The following ADAMTSL1 variants were observed in gnomAD, a reference collection of about 807,000 sequenced individuals.
ADAMTSL1 encodes the protein ADAMTS-like protein 1.
Under a neutral mutation model 201.8 loss-of-function variants are expected in ADAMTSL1, and 126 were observed. The ratio of observed to expected loss-of-function variants is 0.62; its 90% CI spans 0.54 to 0.72. The LOEUF is 0.72. Ranked by LOEUF, ADAMTSL1 falls within the 30% of genes least tolerant of loss-of-function variation. The pLI is 0.00. For synonymous variants in ADAMTSL1, 1,121 were observed against 903.4 expected, an observed-to-expected ratio of 1.24 and a Z score of -4.32; for missense variants, 2,679 against 2,277.8, an observed-to-expected ratio of 1.18 and a Z score of -3.59.
At chr9:18,860,716 T>TTAC (rs763122116) in intron 23 of ADAMTSL1, among the ~76,000 whole-genome samples, 8 of 151,796 alleles carry the variant, frequency 5.3e-5, no homozygotes, top group Non-Finnish European at 1.0e-4. Flanking sequence ...AAAAATCTCA[T>TTAC]TACTGTAGGA....
chr9:18,074,018 G>T (rs1014254252), intron 1 of ADAMTSL1, among the ~76,000 whole-genome samples: 9 of 152,086 alleles, frequency 5.9e-5, no homozygotes, highest in African/African-American at 2.2e-4. Context: ...AGTGCAGGAG[G>T]AAGTAGGCTT....
At chr9:17,972,080 A>G (rs2383058) in intron 1 of ADAMTSL1, among the ~76,000 whole-genome samples, 1 of 151,956 alleles carries the variant, frequency 6.6e-6, no homozygotes, top group Non-Finnish European at 1.5e-5. Flanking sequence ...TAACATATTC[A>G]TCATCTCACA....
rs2131201524 is a variant in ADAMTSL1, at chr9:18,820,021, C to A, written c.3934+2784C>A. Among the ~76,000 whole-genome samples the A allele has an allele frequency of 2.0e-5, 3 of 152,320 alleles. No homozygotes were observed. In the South Asian group the frequency reaches 6.2e-4, roughly 32 times the overall value. On this transcript the variant is annotated intron_variant, in intron 21 of 28. Transcript: ENST00000380548. ...CTCTATCCCATTCCCAGTCAGGCAGCTTAGTGACCTCCTGATTGGTTAGGT... is the reference window on the plus strand; with the variant it reads ...CTCTATCCCATTCCCAGTCAGGCAGATTAGTGACCTCCTGATTGGTTAGGT...
chr9:18,586,718 A>C (rs1329123729), intron 4 of ADAMTSL1, among the ~76,000 whole-genome samples: 1 of 152,124 alleles, frequency 6.6e-6, no homozygotes. Context: ...ACAGTGACCA[A>C]AACAGCATGG....
chr9:18,570,414 T>C (rs1215876084), intron 3 of ADAMTSL1, among the ~76,000 whole-genome samples: 1 of 152,196 alleles, frequency 6.6e-6, no homozygotes, highest in African/African-American at 2.4e-5. Flanking sequence ...AGCTGGATGA[T>C]CCCAGATGCA....
chr9:18,099,102 GT>G (rs200227567), intron 1 of ADAMTSL1, among the ~76,000 whole-genome samples: 58 of 142,546 alleles, frequency 4.1e-4, no homozygotes, highest in African/African-American at 6.7e-4. Context: ...TTGACAGCAG[GT>G]TTTTTTTTTT....
chr9:18,596,025 C>T (rs912870413), intron 4 of ADAMTSL1, among the ~76,000 whole-genome samples: 1 of 152,164 alleles, frequency 6.6e-6, no homozygotes, highest in African/African-American at 2.4e-5. Context: ...GGAATATGAG[C>T]AGGTTACCTC....
chr9:18,442,905 C>T (rs1351445743), intron 2 of ADAMTSL1, among the ~76,000 whole-genome samples: 1 of 152,170 alleles, frequency 6.6e-6, no homozygotes, highest in African/African-American at 2.4e-5. Context: ...CAGCCTTCTA[C>T]GACCTGCCAC....
chr9:18,745,606 G>A (rs1308104950), intron 15 of ADAMTSL1, among the ~76,000 whole-genome samples: 1 of 152,114 alleles, frequency 6.6e-6, no homozygotes, highest in East Asian at 1.9e-4. Context: ...ATACTACTGG[G>A]ATGTCATTGC....
intron 4 of ADAMTSL1, among the ~76,000 whole-genome samples, chr9:18,599,525 G>T (rs1334024038): frequency 6.6e-6 from 1 of 152,114 alleles, no homozygotes; most frequent in Non-Finnish European, 1.5e-5. Flanking sequence ...GCTCTCTTAG[G>T]CAGTGGGTAG....
chr9:18,579,280 G>T (rs913443809), intron 4 of ADAMTSL1, among the ~76,000 whole-genome samples: 3 of 147,242 alleles, frequency 2.0e-5, no homozygotes, highest in Non-Finnish European at 3.0e-5. Flanking sequence ...TCACTCATAG[G>T]TGGGAATTGA....
chr9:18,874,721 ACTGGT>A (rs1422196422), intron 23 of ADAMTSL1, among the ~76,000 whole-genome samples: 1 of 152,088 alleles, frequency 6.6e-6, no homozygotes, highest in East Asian at 1.9e-4. Context: ...CACCAGCGAT[ACTGGT>A]CTGTTTGCTT....
At chr9:18,802,939 A>T (rs1049246392) in intron 20 of ADAMTSL1, among the ~76,000 whole-genome samples, 30 of 152,372 alleles carry the variant, frequency 2.0e-4, no homozygotes, top group African/African-American at 6.3e-4. Context: ...GATTTAAATT[A>T]CATTTTAATA....
intron 27 of ADAMTSL1, among the ~76,000 whole-genome samples, 155 bp downstream of exon 27, chr9:18,906,046 G>A (rs1202897512): frequency 6.6e-6 from 1 of 152,208 alleles, no homozygotes; most frequent in African/African-American, 2.4e-5. Context: ...GGCCTCCCCA[G>A]AGGCAGATGA....
At chr9:18,760,377 C>G (rs1820006074) in intron 16 of ADAMTSL1, among the ~76,000 whole-genome samples, 1 of 152,130 alleles carries the variant, frequency 6.6e-6, no homozygotes, top group South Asian at 2.1e-4. Context: ...TGTTTCCCAA[C>G]TTGGTATTGA....
chr9:18,042,340 C>A (rs956441604), intron 1 of ADAMTSL1, among the ~76,000 whole-genome samples: 6 of 151,956 alleles, frequency 3.9e-5, no homozygotes, highest in African/African-American at 1.5e-4. Context: ...TGAATTTATG[C>A]CTAAGAGGAA....
At chr9:18,766,087 A>AG (rs201310638) in intron 16 of ADAMTSL1, among the ~76,000 whole-genome samples, 2 of 152,226 alleles carry the variant, frequency 1.3e-5, no homozygotes, top group East Asian at 3.9e-4. Flanking sequence ...ACACAGGGAA[A>AG]GGGGGGGTGT....
chr9:18,569,179 CATCTT>C (rs1822135854), intron 3 of ADAMTSL1, among the ~76,000 whole-genome samples: 1 of 152,156 alleles, frequency 6.6e-6, no homozygotes, highest in Non-Finnish European at 1.5e-5. Context: ...ATCTGGGATC[CATCTT>C]ATCTTTCCCA....
chr9:18,883,836 T>C (rs1332630446), intron 23 of ADAMTSL1, among the ~76,000 whole-genome samples: 1 of 152,214 alleles, frequency 6.6e-6, no homozygotes, highest in Non-Finnish European at 1.5e-5. Flanking sequence ...ATTTGAGTGG[T>C]TTAAATCTTT....
Sources: allele counts gnomAD v4.1 joint callset (sites outside exome capture counted in the v4.1 genomes callset), GRCh38; gene constraint gnomAD v4.1.1; transcripts MANE v1.5; gene names NCBI Gene and HGNC (gene_info 2026-07-23, HGNC 2026-07-21).